Variants in ZNF623 observed in about 807,000 individuals in gnomAD.
ZNF623 encodes zinc finger protein 623.
Under a neutral mutation model 24.0 loss-of-function variants are expected in ZNF623, and 16 were observed. That is an observed-to-expected ratio of 0.67 (90% CI 0.45 to 1.01). The LOEUF (loss-of-function observed/expected upper bound fraction) is 1.01. Among genes scored for constraint, ZNF623 ranks in the 50% least tolerant of loss-of-function variants. The pLI is 0.00. For synonymous variants in ZNF623, 224 were observed against 219.8 expected (o/e 1.02, Z -0.17); for missense variants, 566 against 606.5 (o/e 0.93, Z 0.70).
At chr8:143,640,941 T>TTA (rs1815035530) in intron 1 of ZNF623, among the ~76,000 whole-genome samples, 1 of 65,550 alleles carries the variant, frequency 1.5e-5, no homozygotes, top group African/African-American at 5.6e-5. Flanking sequence ...ACTCTGTCTT[T>TTA]AAAAAAAAAA....
chr8:143,648,232 CAG>C (rs1472369968), intron 1 of ZNF623, among the ~76,000 whole-genome samples: 1 of 152,140 alleles, frequency 6.6e-6, no homozygotes, highest in Non-Finnish European at 1.5e-5. Flanking sequence ...TTTGAGGCGT[CAG>C]GGGACACTGG....
Position 143,653,557 on chromosome 8 carries a change from A to T in ZNF623, c.*2074A>T, listed in dbSNP as rs1815387394. ...AACCAAAAACGTTTCTGTCACCCAA[A>T]GAAGTTCCCTTTTGCCTTTTCCTAG... On this transcript the variant is annotated 3_prime_UTR_variant, in exon 2 of 2. Transcript: ENST00000526926. The T allele has an allele frequency of 6.0e-6, 1 of 167,128 alleles. No individual in the cohort carries two copies. The highest frequency in any genetic ancestry group is 2.4e-5 in the African/African-American group (1 of 41,448). 10.4% of individuals were successfully genotyped at this position (167,128 alleles called of 1,614,324 possible).
chr8:143,646,546 C>CGTGCGT (rs1815179982), intron 1 of ZNF623, among the ~76,000 whole-genome samples: 1 of 149,354 alleles, frequency 6.7e-6, no homozygotes, highest in Non-Finnish European at 1.5e-5. Context: ...GGGGTGTGTG[C>CGTGCGT]GTGTGTGTGT....
chr8:143,638,296 A>C (rs529978586), intron 1 of ZNF623, among the ~76,000 whole-genome samples: 46 of 148,222 alleles, frequency 3.1e-4, no homozygotes, highest in Middle Eastern at 3.5e-3. Flanking sequence ...AGTGGAGACC[A>C]TGCCATTGCA....
intron 1 of ZNF623, chr8:143,649,635 T>C (rs1815248611): frequency 4.0e-6 from 2 of 495,206 alleles, no homozygotes; most frequent in African/African-American, 1.9e-5. Context: ...CATCCAGGAT[T>C]CACTAATGGT....
At chr8:143,638,507 G>A (rs1814975161) in intron 1 of ZNF623, among the ~76,000 whole-genome samples, 1 of 151,786 alleles carries the variant, frequency 6.6e-6, no homozygotes, top group Admixed American at 6.6e-5. Flanking sequence ...AGGCCGAGGT[G>A]GGTGGATCAC....
rs1302687341 is a variant in ZNF623, at chr8:143,650,325, C to A, written c.333C>A (p.Tyr111Ter). 6.2e-7 allele frequency: 1 copy of A among 1,614,252 alleles called. No individual in the cohort carries two copies. The highest frequency in any genetic ancestry group is 2.2e-5 in the East Asian group (1 of 44,886). Residue 111 changes from tyrosine (Y) to a stop codon, truncating the protein, a stop_gained, in exon 2 of 2, where the codon TAC becomes TAA. Transcript: ENST00000526926. LOFTEE classifies it low-confidence loss of function (END_TRUNC). The surrounding 1 kb of genome is among the most constrained non-coding windows in gnomAD (Gnocchi z 5.2). The stretch of plus-strand genomic sequence containing the variant: ...TTTCGCATGCTGGGGAGAAACCTTA[C>A]ACGTGCGATCAGTGTGGGAAAGGCT... ...HRISHAGEKP[Y>*]TCDQCGKGFG...
chr8:143,650,630 A>G lies in ZNF623; in HGVS notation c.638A>G (p.His213Arg). The change falls in exon 2 of 2, where the codon CAT becomes CGT. Residue 213 changes from histidine (H) to arginine (R), a missense_variant. Physicochemically the swap from His to Arg is conservative, Grantham distance 29. This residue lies in a region of ZNF623 where 313 missense variants were observed against 300.4 expected (regional missense o/e 1.04). Coordinates refer to ENST00000526926, the MANE Select transcript of ZNF623 (RefSeq NM_001261843.2). This position sits in a 1 kb window ranked among gnomAD's most constrained non-coding sequence, Gnocchi z 5.2. ...AGTCAGAGCTCCTTACTTATTCGCC[A>G]TCAGAGGATTCACACGGGAGAAAGG... Reference protein sequence around the residue: ...GFSQSSLLIRHQRIHTGERPY... With the variant: ...GFSQSSLLIRRQRIHTGERPY... 1.2e-6 allele frequency: 2 copies of G among 1,614,192 alleles called. No homozygotes were observed. Among genetic ancestry groups the G allele is most frequent in the Non-Finnish European group, 1.7e-6 (2 of 1,180,036 alleles).
chr8:143,642,712 A>T (rs772734777), intron 1 of ZNF623, among the ~76,000 whole-genome samples: 1 of 152,104 alleles, frequency 6.6e-6, no homozygotes, highest in African/African-American at 2.4e-5. Flanking sequence ...GGAAAGGGAG[A>T]GATGGGGAAC....
At chr8:143,642,534 G>A (rs559649562) in intron 1 of ZNF623, among the ~76,000 whole-genome samples, 4 of 152,180 alleles carry the variant, frequency 2.6e-5, no homozygotes, top group African/African-American at 4.8e-5. Context: ...AAGAGGCCCG[G>A]CTTTCTGACT....
rs1012159693 is a variant in ZNF623, at chr8:143,651,962, A to G, written c.*479A>G. On this transcript the variant is annotated 3_prime_UTR_variant, in exon 2 of 2. Transcript: ENST00000526926. ...CTCCAGGCCTCCCATCGTGTGCCCT[A>G]AGGCCTCCTGCGTCCTGGAGCCCTG... 5.9e-6 allele frequency: 1 copy of G among 169,238 alleles called. No individual in the cohort carries two copies. The highest frequency in any genetic ancestry group is 1.4e-5 in the Non-Finnish European group (1 of 69,598). The allele number at this position is 169,238 out of a possible 1,614,324, so 10.5% of individuals were successfully genotyped here. A position where few individuals can be genotyped will look rare whatever the true frequency, so the allele number is the denominator to read the frequency against.
In ZNF623 at chr8:143,652,607, C is replaced by G. The variant is rs558398946; in HGVS notation, c.*1124C>G. On this transcript the variant is annotated 3_prime_UTR_variant, in exon 2 of 2. Transcript: ENST00000526926. The stretch of plus-strand genomic sequence containing the variant: ...CCTGTGTGCCACCTTACAGCTCATG[C>G]AGAACTGTCTACTTGATCTGGAGGG... 1.1e-4 allele frequency: 18 copies of G among 167,250 alleles called. No homozygotes were observed. The highest frequency in any genetic ancestry group is 1.5e-5 in the Non-Finnish European group (1 of 68,138). The allele number at this position is 167,250 out of a possible 1,614,324, so 10.4% of individuals were successfully genotyped here. A position where few individuals can be genotyped will look rare whatever the true frequency, so the allele number is the denominator to read the frequency against.
At position 143,651,105 on chromosome 8, in the gene ZNF623, G is replaced by A. The variant is rs530640705; in HGVS notation, c.1113G>A (p.Ala371=). The change falls in exon 2 of 2, where the codon GCG becomes GCA. Residue 371 remains alanine (A), a synonymous_variant. Transcript: ENST00000526926. Reference sequence around the variant, plus strand: ...ATGAATGTAAGGAATGTGGGAAAGCGTTTCTCCAGAAAGCCCATCTCACTG... The same window carrying A: ...ATGAATGTAAGGAATGTGGGAAAGCATTTCTCCAGAAAGCCCATCTCACTG... ...RVYECKECGK[A]FLQKAHLTEH... 2.2e-5 allele frequency: 35 copies of A among 1,614,072 alleles called. No individual in the cohort carries two copies. Among genetic ancestry groups the A allele is most frequent in the African/African-American group, 2.7e-5 (2 of 75,008 alleles).
chr8:143,637,257 C>T (rs935749325), intron 1 of ZNF623, among the ~76,000 whole-genome samples: 7 of 152,366 alleles, frequency 4.6e-5, no homozygotes, highest in African/African-American at 1.7e-4. Flanking sequence ...CAAGGAGGTC[C>T]AGATGTTAGT....
chr8:143,647,618 T>C (rs1815205064), intron 1 of ZNF623, among the ~76,000 whole-genome samples: 1 of 152,094 alleles, frequency 6.6e-6, no homozygotes, highest in South Asian at 2.1e-4. Flanking sequence ...CAGGGGCCAG[T>C]GTGACCAAAG....
chr8:143,644,844 A>G (rs1330743097), intron 1 of ZNF623, among the ~76,000 whole-genome samples: 1 of 144,136 alleles, frequency 6.9e-6, no homozygotes, highest in African/African-American at 2.6e-5. Context: ...AAAAAAAAAA[A>G]AAGCCCGGGC....
At chr8:143,649,021 T>TA (rs1815232005) in intron 1 of ZNF623, among the ~76,000 whole-genome samples, 1 of 152,026 alleles carries the variant, frequency 6.6e-6, no homozygotes, top group Non-Finnish European at 1.5e-5. Context: ...CTCACGTCTG[T>TA]AATCCCAGCA....
chr8:143,650,284 C>G lies in ZNF623; in HGVS notation c.292C>G (p.Leu98Val). The G allele has an allele frequency of 6.2e-7, 1 of 1,614,222 alleles. No homozygotes were observed. Among genetic ancestry groups the G allele is most frequent in the Non-Finnish European group, 8.5e-7 (1 of 1,180,034 alleles). Residue 98 changes from leucine to valine, a missense_variant, in exon 2 of 2, where the codon CTA becomes GTA. Physicochemically the swap from Leu to Val is conservative, Grantham distance 32. Coordinates refer to ENST00000526926, the MANE Select transcript of ZNF623 (RefSeq NM_001261843.2). This position sits in a 1 kb window ranked among gnomAD's most constrained non-coding sequence, Gnocchi z 5.2. ...CGKTFTFNSD[L>V]VRHRISHAGE... is the part of the protein sequence containing the mutation. Reference sequence around the variant, plus strand: ...CAAAACCTTCACGTTTAATTCGGACCTAGTTAGGCATCGGATTTCGCATGC... The same window carrying G: ...CAAAACCTTCACGTTTAATTCGGACGTAGTTAGGCATCGGATTTCGCATGC...
In ZNF623 at chr8:143,650,916, A is replaced by G. The variant is rs760202802; in HGVS notation, c.924A>G (p.Val308=). The G allele has an allele frequency of 1.2e-6, 2 of 1,613,984 alleles. No homozygotes were observed. Among genetic ancestry groups the G allele is most frequent in the African/African-American group, 2.7e-5 (2 of 74,884 alleles). The change falls in exon 2 of 2, where the codon GTA becomes GTG. Residue 308 remains valine (V), a synonymous_variant. Transcript: ENST00000526926. The surrounding 1 kb of genome is among the most constrained non-coding windows in gnomAD (Gnocchi z 5.2). ...TCCATACTGGGGAGAGGCCTTACGTATGCAATGAGTGTGGGAAGCGCTTCA... is the reference window on the plus strand; with the variant it reads ...TCCATACTGGGGAGAGGCCTTACGTGTGCAATGAGTGTGGGAAGCGCTTCA... The part of the protein sequence containing the change: ...QRIHTGERPY[V]CNECGKRFSQ...
Sources: allele counts gnomAD v4.1 joint callset (sites outside exome capture counted in the v4.1 genomes callset), GRCh38; gene constraint gnomAD v4.1.1; regional missense constraint gnomAD v4.1.1; non-coding constraint Gnocchi (gnomAD v3.1); transcripts MANE v1.5; gene names NCBI Gene and HGNC (gene_info 2026-07-23, HGNC 2026-07-21).